Variants in ZDHHC24 observed in about 807,000 individuals in gnomAD.
ZDHHC24 encodes the protein zDHHC palmitoyltransferase 24, also known as probable palmitoyltransferase ZDHHC24.
ZDHHC24 carries 17 observed loss-of-function variants against 23.2 expected under a neutral mutation model. That is an observed-to-expected ratio of 0.73 (90% CI 0.50 to 1.10). The LOEUF is 1.10. ZDHHC24 is among the 50% of genes least tolerant of loss of function. The pLI, the probability that ZDHHC24 is intolerant of heterozygous loss-of-function variation, is 0.00. For missense variants in ZDHHC24, 366 were observed against 393.0 expected (o/e 0.93, Z 0.58); for synonymous variants, 186 against 194.5 (o/e 0.96, Z 0.36).
intron 4 of ZDHHC24, among the ~76,000 whole-genome samples, chr11:66,522,611 G>T (rs1384029677): frequency 6.6e-6 from 1 of 152,126 alleles, no homozygotes; most frequent in Non-Finnish European, 1.5e-5. Flanking sequence ...CTCCCAAAGT[G>T]CCGGGATTAC....
In ZDHHC24 at chr11:66,545,760, C is replaced by T; in HGVS notation, c.244G>A (p.Val82Met). The part of the protein sequence containing the change: ...FLRSDPSIRG[V>M]MLAGRGLGQG... ...CCCAGACCGCGGCCGGCCAGCATCA[C>T]GCCACGGATGCTGGGATCCGAGCGC... The change falls in exon 1 of 3, where the codon GTG (valine) becomes ATG (methionine). Residue 82 changes from valine (V) to methionine (M), a missense_variant. Transcript: ENST00000310442. The surrounding 1 kb of genome is among the most constrained non-coding windows in gnomAD (Gnocchi z 4.5). 6.3e-7 allele frequency: 1 copy of T among 1,589,848 alleles called. No homozygotes were observed. The highest frequency in any genetic ancestry group is 1.7e-5 in the Admixed American group (1 of 58,388).
At chr11:66,523,707 T>C in intron 4 of ZDHHC24, 1 of 1,610,594 alleles carries the variant, frequency 6.2e-7, no homozygotes, top group East Asian at 2.2e-5. Context: ...CCACAGACGC[T>C]GGCTGTTCCC....
rs895825634 is a variant in ZDHHC24 at position 66,539,921 on chromosome 11, G to T, written c.560-97C>A. The T allele has an allele frequency of 2.6e-5, 33 of 1,249,488 alleles. No individual in the cohort carries two copies. In the African/African-American group the frequency reaches 4.4e-4, roughly 17 times the overall value. 77.4% of individuals were successfully genotyped at this position (1,249,488 alleles called of 1,614,324 possible). A position where few individuals can be genotyped will look rare whatever the true frequency, so the allele number is the denominator to read the frequency against. On this transcript the variant is annotated intron_variant, in intron 2 of 2. Coordinates refer to ENST00000310442, the MANE Select transcript of ZDHHC24 (RefSeq NM_207340.3). ...ACCACAAAGCAGGGCTCATTCCTCC[G>T]CTCAGCAAACCCTGTGTCGATACTC...
rs755942584 is a variant in ZDHHC24 at position 66,523,715 on chromosome 11, C to G, written c.*22-2249G>C. ...GAGCCCTCCACAGACGCTGGCTGTTCCCTGCCAGGGGAAGAAGCTGTGGAC... is the reference window on the plus strand; with the variant it reads ...GAGCCCTCCACAGACGCTGGCTGTTGCCTGCCAGGGGAAGAAGCTGTGGAC... On this transcript the variant is annotated intron_variant, in intron 4 of 4. Transcript: ENST00000526986. 3.1e-6 allele frequency: 5 copies of G among 1,610,812 alleles called. 1 individual carries two copies. In the Admixed American group the frequency reaches 5.0e-5, roughly 16 times the overall value.
rs1180284280 is a variant in ZDHHC24, at chr11:66,522,193, G to A, written c.*22-727C>T. Among the ~76,000 whole-genome samples the A allele has an allele frequency of 4.6e-5, 7 of 151,580 alleles. No homozygotes were observed. In the East Asian group the frequency reaches 1.4e-3, roughly 30 times the overall value. On this transcript the variant is annotated intron_variant, in intron 4 of 4. Transcript: ENST00000526986. Reference sequence around the variant, plus strand: ...GATCACGCCACTGCCCTCCAGCCTGGGCACAGAGCGAGACTCTGTCTCAAA... The same window carrying A: ...GATCACGCCACTGCCCTCCAGCCTGAGCACAGAGCGAGACTCTGTCTCAAA...
downstream of ZDHHC24, among the ~76,000 whole-genome samples, chr11:66,533,799 CTGGGCCTGA>C (rs1404906849): frequency 6.6e-6 from 1 of 152,234 alleles, no homozygotes; most frequent in African/African-American, 2.4e-5. Flanking sequence ...ATCCTGATTC[CTGGGCCTGA>C]TGGCTTCCTA....
At chr11:66,525,926 G>A (rs1856469010) in intron 4 of ZDHHC24, among the ~76,000 whole-genome samples, 1 of 152,344 alleles carries the variant, frequency 6.6e-6, no homozygotes, top group African/African-American at 2.4e-5. Flanking sequence ...GTGAGGGCCA[G>A]TGATATTTGG....
intron 2 of ZDHHC24, 66 bp downstream of exon 2, chr11:66,543,638 G>T: frequency 6.8e-7 from 1 of 1,474,864 alleles, no homozygotes; most frequent in Non-Finnish European, 9.0e-7. Flanking sequence ...CCACCAGAAT[G>T]GGCTGTACTC....
downstream of ZDHHC24, chr11:66,532,072 G>C: frequency 6.4e-7 from 1 of 1,573,666 alleles, no homozygotes; most frequent in Admixed American, 1.8e-5. Context: ...TGCACAATCA[G>C]CCAGGGAGAA....
chr11:66,529,957 G>A, intron 2 of ZDHHC24: 1 of 1,598,798 alleles, frequency 6.3e-7, no homozygotes, highest in Non-Finnish European at 8.5e-7. Context: ...GCCGTGGTGA[G>A]CATCTGGGTG....
At chr11:66,532,996 TAGC>T (rs1856846308), downstream of ZDHHC24, 1 of 152,302 alleles carries the variant, frequency 6.6e-6, no homozygotes, top group Non-Finnish European at 1.5e-5. Flanking sequence ...TCGTGAGAAT[TAGC>T]AGGAAAGGCG....
Position 66,539,764 on chromosome 11 carries a change from G to A in ZDHHC24, c.620C>T (p.Ala207Val), listed in dbSNP as rs764101150. 6.2e-6 allele frequency: 10 copies of A among 1,611,774 alleles called. No homozygotes were observed. Among genetic ancestry groups the A allele is most frequent in the South Asian group, 1.1e-5 (1 of 90,948 alleles). The change falls in exon 3 of 3, where the codon GCG becomes GTG. Residue 207 changes from alanine (A) to valine (V), a missense_variant. By Grantham distance (64) the Ala-to-Val change is moderately conservative (BLOSUM62 0). Transcript: ENST00000310442. ...GAGCAGCCCAGCCCCGCACAGCAGC[G>A]CACCCGCCACGCACGTGTCCGTCAC... ...AFVTDTCVAG[A>V]LLCGAGLLFH...
At chr11:66,529,780 C>G in intron 2 of ZDHHC24, 2 of 1,607,594 alleles carry the variant, frequency 1.2e-6, no homozygotes, top group East Asian at 2.2e-5. Context: ...CCTGCCACCC[C>G]CCACCTCCAC....
At chr11:66,543,611 G>T in intron 2 of ZDHHC24, 93 bp downstream of exon 2, 3 of 1,436,398 alleles carry the variant, frequency 2.1e-6, no homozygotes, top group Non-Finnish European at 1.8e-6. Flanking sequence ...GGTCCCCCAG[G>T]CCAGAAAGCC....
At chr11:66,523,386 C>T (rs1335808510) in intron 4 of ZDHHC24, 1 of 1,610,802 alleles carries the variant, frequency 6.2e-7, no homozygotes, top group East Asian at 2.2e-5. Flanking sequence ...GAGGTTTAGA[C>T]AGAGGAGGGT....
rs924737939 is a variant in ZDHHC24 at position 66,538,954 on chromosome 11, C to G, written c.*575G>C. 1 of 152,496 alleles carries G rather than the reference C, an allele frequency of 6.6e-6. No homozygotes were observed. The highest frequency in any genetic ancestry group is 1.5e-5 in the Non-Finnish European group (1 of 68,272). The allele number at this position is 152,496 out of a possible 1,614,324, so 9.4% of individuals were successfully genotyped here. A position where few individuals can be genotyped will look rare whatever the true frequency, so the allele number is the denominator to read the frequency against. Reference sequence around the variant, plus strand: ...GATCTTACCACATGGATTCTTAGAGCGTAACTGCTGCCCCATGGACCAGGT... The same window carrying G: ...GATCTTACCACATGGATTCTTAGAGGGTAACTGCTGCCCCATGGACCAGGT... On this transcript the variant is annotated 3_prime_UTR_variant, in exon 3 of 3. Transcript: ENST00000310442.
At chr11:66,523,919 C>G in intron 4 of ZDHHC24, 1 of 1,610,446 alleles carries the variant, frequency 6.2e-7, no homozygotes, top group Non-Finnish European at 8.5e-7. Context: ...CTCACTCCTC[C>G]TTGCCCTCGT....
intron 4 of ZDHHC24, chr11:66,526,219 CT>C (rs751463052): frequency 6.2e-7 from 1 of 1,609,960 alleles, no homozygotes; most frequent in South Asian, 1.1e-5. Flanking sequence ...CTGGCAAGGG[CT>C]TTGAAGTCGG....
In ZDHHC24 at chr11:66,539,228, G is replaced by C; in HGVS notation, c.*301C>G. 9.1e-7 allele frequency: 1 copy of C among 1,100,446 alleles called. No homozygotes were observed. The highest frequency in any genetic ancestry group is 1.1e-6 in the Non-Finnish European group (1 of 904,936). 68.2% of individuals were successfully genotyped at this position (1,100,446 alleles called of 1,614,324 possible). A position where few individuals can be genotyped will look rare whatever the true frequency, so the allele number is the denominator to read the frequency against. ...AAACAGCCCCAGCAACAAAGTGAGGGGCCAGAAACTATGCAAAGATGGAGG... is the reference window on the plus strand; with the variant it reads ...AAACAGCCCCAGCAACAAAGTGAGGCGCCAGAAACTATGCAAAGATGGAGG... On this transcript the variant is annotated 3_prime_UTR_variant, in exon 3 of 3. Coordinates refer to ENST00000310442, the MANE Select transcript of ZDHHC24 (RefSeq NM_207340.3).
Sources: allele counts gnomAD v4.1 joint callset (sites outside exome capture counted in the v4.1 genomes callset), GRCh38; gene constraint gnomAD v4.1.1; non-coding constraint Gnocchi (gnomAD v3.1); transcripts MANE v1.5; gene names NCBI Gene and HGNC (gene_info 2026-07-23, HGNC 2026-07-21).